E4F1: variants seen among roughly 807,000 people sequenced by gnomAD.
E4F1 encodes transcription factor E4F1.
In E4F1, 30 loss-of-function variants were observed where a neutral mutation model predicts 72.9. The ratio of observed to expected loss-of-function variants is 0.41; its 90% CI spans 0.31 to 0.56. The LOEUF is 0.56. Ranked by LOEUF, E4F1 falls within the 20% of genes least tolerant of loss-of-function variation. The probability of loss-of-function intolerance (pLI) is 0.25; values close to 1 mark genes in which losing one functional copy is unlikely to be tolerated. For missense variants in E4F1, 1,091 were observed against 1,117.5 expected (o/e 0.98, Z 0.34); for synonymous variants, 542 against 478.2 (o/e 1.13, Z -1.74).
chr16:2,229,803 G>C (rs372466046), intron 3 of E4F1, 128 bp downstream of exon 3: 9 of 981,278 alleles, frequency 9.2e-6, no homozygotes. Context: ...CCGCGGCCTC[G>C]TGGCAGCCTT....
At chr16:2,225,074 G>T (rs1049837008) in intron 1 of E4F1, among the ~76,000 whole-genome samples, 3 of 152,008 alleles carry the variant, frequency 2.0e-5, no homozygotes, top group Admixed American at 2.0e-4. Flanking sequence ...TTAGCTGGGC[G>T]TGGTGGTGCG....
At position 2,232,777 on chromosome 16, in the gene E4F1, C is replaced by G; in HGVS notation, c.752C>G (p.Ser251Cys). 1 of 1,613,364 alleles carries G rather than the reference C, an allele frequency of 6.2e-7. No homozygotes were observed. Among genetic ancestry groups the G allele is most frequent in the South Asian group, 1.1e-5 (1 of 91,092 alleles). Reference protein sequence around the residue: ...RHTDERPYKCSKCGKSFRESG... With the variant: ...RHTDERPYKCCKCGKSFRESG... ...GCAGATGAGCGCCCCTACAAGTGCT[C>G]CAAGTGTGGAAAGAGCTTCCGGGAG... Residue 251 changes from serine to cysteine, a missense_variant, in exon 6 of 14, where the codon TCC becomes TGC. By Grantham distance (112) the Ser-to-Cys change is moderately radical (BLOSUM62 -1). This residue lies in a region of E4F1 where 362 missense variants were observed against 358.6 expected (regional missense o/e 1.01). Coordinates refer to ENST00000301727, the MANE Select transcript of E4F1 (RefSeq NM_004424.5).
chr16:2,229,418 C>T, intron 2 of E4F1, 152 bp from the exon 3 acceptor site: 1 of 730,420 alleles, frequency 1.4e-6, no homozygotes, highest in Non-Finnish European at 2.3e-6. Context: ...AGAGGAGAGC[C>T]CCCACCCCAG....
chr16:2,229,751 G>A, intron 3 of E4F1, 76 bp downstream of exon 3: 1 of 1,497,466 alleles, frequency 6.7e-7, no homozygotes, highest in Non-Finnish European at 9.2e-7. Flanking sequence ...CCTGCTGCCT[G>A]TATGCTCGTC....
At chr16:2,234,804 G>C in intron 11 of E4F1, 23 bp downstream of exon 11, 2 of 1,542,694 alleles carry the variant, frequency 1.3e-6, no homozygotes, top group South Asian at 2.4e-5. Flanking sequence ...GGAGGTGGGA[G>C]GGGGAGGGGA....
At chr16:2,223,836 C>CG in intron 1 of E4F1, 66 bp downstream of exon 1, 1 of 1,531,246 alleles carries the variant, frequency 6.5e-7, no homozygotes. Context: ...GGCAGAGGCC[C>CG]GGATGGCCCG....
intron 5 of E4F1, 61 bp downstream of exon 5, chr16:2,232,637 C>A: frequency 6.2e-7 from 1 of 1,604,226 alleles, no homozygotes. Flanking sequence ...CCCTGGGGTG[C>A]CCCAGCCTCG....
Position 2,233,592 on chromosome 16 carries a change from C to G in E4F1, c.1211C>G (p.Pro404Arg). 1 of 1,511,210 alleles carries G rather than the reference C, an allele frequency of 6.6e-7. No individual in the cohort carries two copies. The highest frequency in any genetic ancestry group is 8.9e-7 in the Non-Finnish European group (1 of 1,128,614). 93.6% of individuals were successfully genotyped at this position (1,511,210 alleles called of 1,614,324 possible). A position where few individuals can be genotyped will look rare whatever the true frequency, so the allele number is the denominator to read the frequency against. ...CCTGCTGCCGGGTCCAGTCCCCAGC[C>G]CCTGGCAGTGGCAGCCCCGCAGCTG... is the stretch of plus-strand genomic sequence containing the variant. ...PAPAAGSSPQ[P>R]LAVAAPQLPV... The change falls in exon 8 of 14, where the codon CCC becomes CGC. Residue 404 changes from proline to arginine, a missense_variant. Physicochemically the swap from Pro to Arg is moderately radical, Grantham distance 103. Coordinates refer to ENST00000301727, the MANE Select transcript of E4F1 (RefSeq NM_004424.5).
rs1567305526 is a variant in E4F1, at chr16:2,234,741, CG to C, written c.1753del (p.Ala585ProfsTer6). The C allele has an allele frequency of 5.8e-6, 9 of 1,554,048 alleles. No individual in the cohort carries two copies. On this transcript the variant is annotated frameshift_variant, in exon 11 of 14. Transcript: ENST00000301727. LOFTEE classifies it high-confidence loss of function. The stretch of plus-strand genomic sequence containing the variant: ...AGTGCTACAAGTGCGGCCGTGGCTT[CG>C]CCGAGCACGGCACGCTGAACCGGCA... ...FKCYKCGRGF[A>X]EHGTLNRHLR...
intron 1 of E4F1, among the ~76,000 whole-genome samples, chr16:2,226,261 G>A (rs1246214068): frequency 6.6e-6 from 1 of 152,218 alleles, no homozygotes; most frequent in Non-Finnish European, 1.5e-5. Flanking sequence ...ATGGCGAGGA[G>A]TCCCTTTAGA....
intron 13 of E4F1, 23 bp downstream of exon 13, chr16:2,235,166 G>T (rs2093499152): frequency 6.2e-7 from 1 of 1,611,112 alleles, no homozygotes; most frequent in African/African-American, 1.3e-5. Flanking sequence ...GCAGGCGGGG[G>T]CGGGGAGGCT....
At chr16:2,228,342 C>G (rs1234553440) in intron 1 of E4F1, 30 bp from the exon 2 acceptor site, 1 of 1,613,018 alleles carries the variant, frequency 6.2e-7, no homozygotes, top group African/African-American at 1.3e-5. Context: ...TCCGCCTTCC[C>G]AGGCCCTGCT....
At chr16:2,229,943 G>A in intron 3 of E4F1, 1 of 436,060 alleles carries the variant, frequency 2.3e-6, no homozygotes. Context: ...AGCTTTCCCG[G>A]GTGGTCTCTG....
rs1402604070 is a variant in E4F1, at chr16:2,229,663, T to C, written c.403T>C (p.Ser135Pro). The change falls in exon 3 of 14, where the codon TCT becomes CCT. Residue 135 changes from serine (S) to proline (P), a missense_variant. Ser to Pro is a moderately conservative substitution (Grantham distance 74). Coordinates refer to ENST00000301727, the MANE Select transcript of E4F1 (RefSeq NM_004424.5). ...ASLAADISHA[S>P]DLVGGGHIKE... is the part of the protein sequence containing the mutation. ...TCTGGCAGCAGACATCAGCCACGCA[T>C]CTGACCTTGTTGGTAAGCCGACTTC... The C allele has an allele frequency of 3.7e-6, 6 of 1,612,850 alleles. No individual in the cohort carries two copies. The highest frequency in any genetic ancestry group is 5.1e-6 in the Non-Finnish European group (6 of 1,179,926).
chr16:2,223,612 A>G lies in E4F1; in HGVS notation c.-2A>G. On this transcript the variant is annotated 5_prime_UTR_variant, in exon 1 of 14. Coordinates refer to ENST00000301727, the MANE Select transcript of E4F1 (RefSeq NM_004424.5). ...CGCCATCTTCCTGCGGCGCGTTGCG[A>G]CATGGAGGGCGCGATGGCAGTGCGG... The G allele has an allele frequency of 6.3e-7, 1 of 1,587,640 alleles. No homozygotes were observed. Among genetic ancestry groups the G allele is most frequent in the Non-Finnish European group, 8.5e-7 (1 of 1,172,802 alleles).
At chr16:2,227,474 C>G (rs1428509330) in intron 1 of E4F1, among the ~76,000 whole-genome samples, 3 of 152,000 alleles carry the variant, frequency 2.0e-5, no homozygotes, top group African/African-American at 4.8e-5. Context: ...CGGGTTCATG[C>G]CATTCTCCTG....
chr16:2,232,398 G>A (rs780743461), intron 4 of E4F1, 34 bp downstream of exon 4: 1 of 1,602,002 alleles, frequency 6.2e-7, no homozygotes, highest in Non-Finnish European at 8.5e-7. Flanking sequence ...GTGTGTGGGT[G>A]GCAGGCCCCC....
chr16:2,235,253 T>C lies in E4F1; in HGVS notation c.2036T>C (p.Val679Ala), dbSNP rs2093500138. The C allele has an allele frequency of 6.2e-7, 1 of 1,610,584 alleles. No individual in the cohort carries two copies. The highest frequency in any genetic ancestry group is 1.3e-5 in the African/African-American group (1 of 74,906). Residue 679 changes from valine (V) to alanine (A), a missense_variant, in exon 14 of 14, where the codon GTG (valine) becomes GCG (alanine). Val to Ala is a moderately conservative substitution (Grantham distance 64, BLOSUM62 0). This residue lies in a region of E4F1 where 622 missense variants were observed against 628.0 expected (regional missense o/e 0.99). Coordinates refer to ENST00000301727, the MANE Select transcript of E4F1 (RefSeq NM_004424.5). ...ATCATGAAGGTGGTGCAGCAGATCG[T>C]GCACCAGGCTAGCGCCGGCCACCAG... is the stretch of plus-strand genomic sequence containing the variant. ...SHIMKVVQQI[V>A]HQASAGHQII...
Position 2,235,133 on chromosome 16 carries a change from C to A in E4F1, c.1988C>A (p.Thr663Asn), listed in dbSNP as rs1399744468. 1 of 1,612,204 alleles carries A rather than the reference C, an allele frequency of 6.2e-7. No homozygotes were observed. Residue 663 changes from threonine (T) to asparagine (N), a missense_variant, in exon 13 of 14, where the codon ACC becomes AAC. Thr to Asn is a moderately conservative substitution (Grantham distance 65, BLOSUM62 0). Transcript: ENST00000301727. Reference sequence around the variant, plus strand: ...GAGGCCACGGAGATCATCGAGGGCACCCAGACAGAGGTGAGGGGTAGGGCA... The same window carrying A: ...GAGGCCACGGAGATCATCGAGGGCAACCAGACAGAGGTGAGGGGTAGGGCA... Reference protein sequence around the residue: ...TSEATEIIEGTQTEVDSHIMK... With the variant: ...TSEATEIIEGNQTEVDSHIMK...
Sources: allele counts gnomAD v4.1 joint callset (sites outside exome capture counted in the v4.1 genomes callset), GRCh38; gene constraint gnomAD v4.1.1; regional missense constraint gnomAD v4.1.1; transcripts MANE v1.5; gene names NCBI Gene and HGNC (gene_info 2026-07-23, HGNC 2026-07-21).